ANKRD20A1: variants seen among roughly 807,000 people sequenced by gnomAD.
ANKRD20A1 encodes the protein ankyrin repeat domain 20 family member A1, also known as ankyrin repeat domain-containing protein 20A1.
A neutral mutation model predicts 50.9 loss-of-function variants in ANKRD20A1; 2 were observed. The observed-to-expected ratio is 0.04, with a 90% CI of 0.02 to 0.12. The LOEUF (loss-of-function observed/expected upper bound fraction) is 0.12, where lower values mean the gene tolerates loss of function less well. Among genes scored for constraint, ANKRD20A1 ranks in the 10% least tolerant of loss-of-function variants. The pLI is 1.00. For synonymous variants in ANKRD20A1, 10 were observed against 186.2 expected (o/e 0.05, Z 7.70); for missense variants, 31 against 548.1 (o/e 0.06, Z 9.42).
At chr9:67,867,557 A>G (rs28372049) in intron 4 of ANKRD20A1, among the ~76,000 whole-genome samples, 174 bp downstream of exon 4, 564 of 152,044 alleles carry the variant, frequency 3.7e-3, no homozygotes, top group African/African-American at 0.013. Flanking sequence ...AATAGTATAT[A>G]GTAGGATTCA....
At chr9:67,872,684 T>C (rs1017843936) in intron 6 of ANKRD20A1, among the ~76,000 whole-genome samples, 5 of 135,822 alleles carry the variant, frequency 3.7e-5, no homozygotes, top group African/African-American at 1.4e-4. Flanking sequence ...TAATCAATTA[T>C]TATTATCATA....
At chr9:67,868,009 T>C (rs1827603825) in intron 4 of ANKRD20A1, among the ~76,000 whole-genome samples, 2 of 128,170 alleles carry the variant, frequency 1.6e-5, no homozygotes, top group African/African-American at 5.5e-5. Flanking sequence ...ACTAGCATTG[T>C]CATTATTATT....
intron 12 of ANKRD20A1, among the ~76,000 whole-genome samples, chr9:67,894,003 A>G (rs1394306319): frequency 6.6e-6 from 1 of 152,306 alleles, no homozygotes; most frequent in African/African-American, 2.4e-5. Flanking sequence ...TTTTGTGGTC[A>G]CCATTTGACT....
chr9:67,881,624 A>G (rs1209151283), intron 8 of ANKRD20A1, among the ~76,000 whole-genome samples: 1 of 152,294 alleles, frequency 6.6e-6, no homozygotes, highest in Non-Finnish European at 1.5e-5. Context: ...AACCAAAACA[A>G]AACAAAACAA....
intron 13 of ANKRD20A1, among the ~76,000 whole-genome samples, chr9:67,898,587 AGT>A (rs1828036088): frequency 1.1e-5 from 1 of 94,804 alleles, no homozygotes; most frequent in African/African-American, 3.2e-5. Flanking sequence ...AAATATAAAA[AGT>A]GTGGGGAAAC....
rs1200114994 is a variant in ANKRD20A1, at chr9:67,872,523, G to A, written c.793+1311G>A. ...TTTTGTGATGAACTGCCTTTAATGGGTTTAAATCATGTTTTCAGTTTTATG... is the reference window on the plus strand; with the variant it reads ...TTTTGTGATGAACTGCCTTTAATGGATTTAAATCATGTTTTCAGTTTTATG... On this transcript the variant is annotated intron_variant, in intron 6 of 14. Coordinates refer to ENST00000562196, the MANE Select transcript of ANKRD20A1 (RefSeq NM_032250.5). 4.8e-5 allele frequency among the ~76,000 whole-genome samples: 6 copies of A among 125,932 alleles called. 1 individual carries two copies. Among genetic ancestry groups the A allele is most frequent in the Admixed American group, 3.1e-4 (4 of 12,844 alleles). The allele number at this position is 125,932 out of a possible 152,430, so 82.6% of individuals were successfully genotyped here.
rs1205858391 is a variant in ANKRD20A1 at position 67,859,107 on chromosome 9, C to T, written c.-320C>T. Reference sequence around the variant, plus strand: ...GCAACCGCGGTGCAGGCGCGCTCCGCCAGGGACCGTCTTCTGGGAGCTCGG... The same window carrying T: ...GCAACCGCGGTGCAGGCGCGCTCCGTCAGGGACCGTCTTCTGGGAGCTCGG... On this transcript the variant is annotated 5_prime_UTR_variant, in exon 1 of 15. Coordinates refer to ENST00000562196, the MANE Select transcript of ANKRD20A1 (RefSeq NM_032250.5). 2 of 24,982 alleles carry T rather than the reference C, an allele frequency of 8.0e-5. 1 individual carries two copies. The highest frequency in any genetic ancestry group is 5.1e-4 in the African/African-American group (2 of 3,894). The allele number at this position is 24,982 out of a possible 1,614,324, so 1.5% of individuals were successfully genotyped here.
At chr9:67,885,385 T>C (rs1827863656) in intron 9 of ANKRD20A1, among the ~76,000 whole-genome samples, 2 of 152,300 alleles carry the variant, frequency 1.3e-5, no homozygotes, top group Non-Finnish European at 2.9e-5. Context: ...CATTAAGGAT[T>C]GAGGCACCTC....
intron 6 of ANKRD20A1, among the ~76,000 whole-genome samples, chr9:67,877,066 C>G (rs1197792659): frequency 1.7e-5 from 1 of 60,098 alleles, no homozygotes. Context: ...CACATTTGGT[C>G]ACAGAAGCCT....
intron 8 of ANKRD20A1, among the ~76,000 whole-genome samples, chr9:67,880,894 C>T (rs1239617570): frequency 4.3e-5 from 4 of 92,444 alleles, no homozygotes; most frequent in Non-Finnish European, 6.9e-5. Context: ...TTAAATCATA[C>T]GAGTGTGACT....
chr9:67,882,937 T>C (rs1346201602), intron 8 of ANKRD20A1, among the ~76,000 whole-genome samples: 4 of 151,216 alleles, frequency 2.6e-5, no homozygotes, highest in African/African-American at 9.7e-5. Flanking sequence ...GTTTCCAGCT[T>C]CATCCATGTC....
chr9:67,877,579 G>GGT (rs1827751187), intron 6 of ANKRD20A1, among the ~76,000 whole-genome samples, 181 bp from the exon 7 acceptor site: 3 of 150,814 alleles, frequency 2.0e-5, no homozygotes, highest in Non-Finnish European at 4.4e-5. Flanking sequence ...TTTTTATGAA[G>GGT]GTAGAGTCTT....
chr9:67,874,966 C>CATTTATTT (rs376495752), intron 6 of ANKRD20A1, among the ~76,000 whole-genome samples: 35 of 6,336 alleles, frequency 5.5e-3, no homozygotes, highest in East Asian at 0.11. Flanking sequence ...TGCCCCCAGC[C>CATTTATTT]ATTTATTTAT....
chr9:67,871,401 T>A (rs62546043), intron 6 of ANKRD20A1, among the ~76,000 whole-genome samples, 189 bp downstream of exon 6: 5,153 of 121,876 alleles, frequency 0.042, 21 homozygotes, highest in East Asian at 0.072. Context: ...TTCTTTAGTT[T>A]GAAATTCAGA....
At chr9:67,900,296 G>T (rs1158816206) in intron 14 of ANKRD20A1, among the ~76,000 whole-genome samples, 197 bp from the exon 15 acceptor site, 1 of 21,438 alleles carries the variant, frequency 4.7e-5, no homozygotes, top group Non-Finnish European at 1.1e-4. Flanking sequence ...TAAATTCATT[G>T]ACTCTAAATA....
chr9:67,892,909 GC>G, intron 11 of ANKRD20A1, among the ~76,000 whole-genome samples: 1 of 91,042 alleles, frequency 1.1e-5, no homozygotes, highest in South Asian at 3.9e-4. Flanking sequence ...GAGCTATTAT[GC>G]CCAGCCTACT....
chr9:67,872,453 G>A (rs6605866), intron 6 of ANKRD20A1, among the ~76,000 whole-genome samples: 56,054 of 96,710 alleles, frequency 0.58, 21,197 homozygotes, highest in East Asian at 0.89. Flanking sequence ...GCGGTGGATA[G>A]CGCATCCTAC....
rs200776504 is a variant in ANKRD20A1 at position 67,872,632 on chromosome 9, T to A, written c.793+1420T>A. Among the ~76,000 whole-genome samples, 14 of 139,400 alleles carry A rather than the reference T, an allele frequency of 1.0e-4. 1 individual carries two copies. Among genetic ancestry groups the A allele is most frequent in the Non-Finnish European group, 2.1e-4 (13 of 62,838 alleles). The allele number at this position is 139,400 out of a possible 152,430, so 91.5% of individuals were successfully genotyped here. ...TATAATAGTATATTCAATAGTCATA[T>A]GTTTTTCTCCAGTTATACAATTTAC... is the stretch of plus-strand genomic sequence containing the variant. On this transcript the variant is annotated intron_variant, in intron 6 of 14. Transcript: ENST00000562196.
chr9:67,872,218 G>A (rs1261886013), intron 6 of ANKRD20A1, among the ~76,000 whole-genome samples: 2 of 95,934 alleles, frequency 2.1e-5, no homozygotes, highest in African/African-American at 6.2e-5. Context: ...ACAAATAGGA[G>A]ATTATTTTTT....
Sources: gnomAD v4.1 joint callset for allele counts (sites outside exome capture counted in the v4.1 genomes callset) on GRCh38, gnomAD v4.1.1 for gene constraint, MANE v1.5 for transcripts, NCBI Gene and HGNC (gene_info 2026-07-23, HGNC 2026-07-21) for gene names.